Variants in GRIK4 observed in about 807,000 individuals in gnomAD.
The protein encoded by GRIK4 is glutamate receptor ionotropic, kainate 4.
In GRIK4, 40 loss-of-function variants were observed where a neutral mutation model predicts 104.9. That is an observed-to-expected ratio of 0.38 (90% CI 0.30 to 0.50). GRIK4 has a LOEUF of 0.50. Ranked by LOEUF, GRIK4 falls within the 20% of genes least tolerant of loss-of-function variation. The pLI is 0.93. For missense variants in GRIK4, 1,047 were observed against 1,308.1 expected (o/e 0.80, Z 3.08); for synonymous variants, 485 against 524.9 (o/e 0.92, Z 1.04).
chr11:120,514,120 C>T (rs1389450516), intron 1 of GRIK4, among the ~76,000 whole-genome samples: 1 of 152,094 alleles, frequency 6.6e-6, no homozygotes, highest in East Asian at 1.9e-4. Flanking sequence ...GGGGGAGAGA[C>T]TGCTCAGAAG....
intron 1 of GRIK4, among the ~76,000 whole-genome samples, chr11:120,550,039 A>T (rs904889663): frequency 6.6e-6 from 1 of 152,090 alleles, no homozygotes; most frequent in African/African-American, 2.4e-5. Flanking sequence ...GAGGGATCCC[A>T]TGGTCTGATT....
intron 3 of GRIK4, among the ~76,000 whole-genome samples, chr11:120,735,331 T>C (rs1375191591): frequency 6.6e-6 from 1 of 152,154 alleles, no homozygotes; most frequent in Non-Finnish European, 1.5e-5. Flanking sequence ...TCCAGAGGAA[T>C]TATCTGGATT....
At chr11:120,924,036 C>T (rs1225867490) in intron 13 of GRIK4, among the ~76,000 whole-genome samples, 1 of 152,144 alleles carries the variant, frequency 6.6e-6, no homozygotes, top group Non-Finnish European at 1.5e-5. Context: ...AGCAGGGAGG[C>T]AAGTCTTCCC....
At chr11:120,679,419 C>T (rs1356264434) in intron 3 of GRIK4, among the ~76,000 whole-genome samples, 1 of 152,230 alleles carries the variant, frequency 6.6e-6, no homozygotes, top group Non-Finnish European at 1.5e-5. Flanking sequence ...CAGCTCTTGG[C>T]TTCTCTGTTC....
chr11:120,987,605 G>C lies in GRIK4; in HGVS notation c.*1345G>C, dbSNP rs1944778845. 6.6e-6 allele frequency: 1 copy of C among 152,210 alleles called. No homozygotes were observed. The highest frequency in any genetic ancestry group is 1.5e-5 in the Non-Finnish European group (1 of 68,056). 9.4% of individuals were successfully genotyped at this position (152,210 alleles called of 1,614,324 possible). A position where few individuals can be genotyped will look rare whatever the true frequency, so the allele number is the denominator to read the frequency against. On this transcript the variant is annotated 3_prime_UTR_variant, in exon 21 of 21. Transcript: ENST00000527524. The stretch of plus-strand genomic sequence containing the variant: ...AACTCTTGAGTCGTAACCTCAGCTT[G>C]AGCAGTAGCCCTCCCACCTTGTATG...
At chr11:120,608,217 T>C (rs1377577787) in intron 1 of GRIK4, among the ~76,000 whole-genome samples, 1 of 152,204 alleles carries the variant, frequency 6.6e-6, no homozygotes, top group African/African-American at 2.4e-5. Context: ...TGCTGCAGGC[T>C]TCCAGCCAGC....
intron 1 of GRIK4, among the ~76,000 whole-genome samples, chr11:120,581,142 A>G (rs867577922): frequency 7.2e-5 from 11 of 152,130 alleles, no homozygotes; most frequent in Non-Finnish European, 2.9e-5. Context: ...AGTTCTTTAT[A>G]TATTCCAGAT....
intron 2 of GRIK4, 40 bp from the exon 3 acceptor site, chr11:120,660,229 G>A: frequency 1.1e-6 from 1 of 876,868 alleles, no homozygotes; most frequent in Non-Finnish European, 1.9e-6. Flanking sequence ...TGCCTAGCTG[G>A]AGCCTGGGAC....
At chr11:120,516,468 T>G in intron 1 of GRIK4, among the ~76,000 whole-genome samples, 2 of 150,874 alleles carry the variant, frequency 1.3e-5, no homozygotes, top group Non-Finnish European at 3.0e-5. Flanking sequence ...AAGGCTGGAG[T>G]CAGGGAGCAG....
chr11:120,704,451 C>T (rs1950597624), intron 3 of GRIK4, among the ~76,000 whole-genome samples: 1 of 152,178 alleles, frequency 6.6e-6, no homozygotes, highest in African/African-American at 2.4e-5. Context: ...TTTGGGAGTG[C>T]CCAAGCTTAG....
At chr11:120,601,009 C>T (rs1389180511) in intron 1 of GRIK4, among the ~76,000 whole-genome samples, 3 of 152,278 alleles carry the variant, frequency 2.0e-5, no homozygotes, top group Middle Eastern at 3.4e-3. Context: ...TGAGCCGGAT[C>T]GTGCCACTGC....
Position 120,956,648 on chromosome 11 carries a change from A to G in GRIK4, c.1701-132A>G, listed in dbSNP as rs890154824. Reference sequence around the variant, plus strand: ...TTTTTTTTTTGGTTGCGAAACTCCAAGTCCAGCAAAGGGAAGTGGCTTGCC... The same window carrying G: ...TTTTTTTTTTGGTTGCGAAACTCCAGGTCCAGCAAAGGGAAGTGGCTTGCC... On this transcript the variant is annotated intron_variant, in intron 15 of 20. Coordinates refer to ENST00000527524, the MANE Select transcript of GRIK4 (RefSeq NM_014619.5). The surrounding 1 kb of genome is among the most constrained non-coding windows in gnomAD (Gnocchi z 4.6). 1.9e-6 allele frequency: 1 copy of G among 513,132 alleles called. No individual in the cohort carries two copies. The highest frequency in any genetic ancestry group is 1.9e-5 in the African/African-American group (1 of 51,542). The allele number at this position is 513,132 out of a possible 1,614,324, so 31.8% of individuals were successfully genotyped here. A position where few individuals can be genotyped will look rare whatever the true frequency, so the allele number is the denominator to read the frequency against.
intron 9 of GRIK4, among the ~76,000 whole-genome samples, chr11:120,865,395 G>A (rs1471969170): frequency 2.0e-5 from 3 of 152,242 alleles, no homozygotes; most frequent in South Asian, 2.1e-4. Context: ...GTGGGTCAGC[G>A]AGGGAGCAGC....
intron 3 of GRIK4, among the ~76,000 whole-genome samples, chr11:120,782,118 A>G (rs1399612142): frequency 1.3e-5 from 2 of 151,834 alleles, no homozygotes; most frequent in African/African-American, 4.8e-5. Flanking sequence ...TTCTCTTTGT[A>G]GTACTTTTTT....
chr11:120,634,532 C>A (rs368388479), intron 1 of GRIK4, among the ~76,000 whole-genome samples: 2 of 152,126 alleles, frequency 1.3e-5, no homozygotes, highest in Non-Finnish European at 2.9e-5. Flanking sequence ...GGAAGGAGCC[C>A]TCCCAGACAC....
At chr11:120,582,278 T>A (rs1042166791) in intron 1 of GRIK4, among the ~76,000 whole-genome samples, 6 of 151,304 alleles carry the variant, frequency 4.0e-5, no homozygotes, top group Non-Finnish European at 5.9e-5. Flanking sequence ...TATATATACA[T>A]ATACATTATA....
At chr11:120,796,964 G>T (rs1376685615) in intron 3 of GRIK4, among the ~76,000 whole-genome samples, 2 of 152,072 alleles carry the variant, frequency 1.3e-5, no homozygotes, top group African/African-American at 2.4e-5. Flanking sequence ...GGCGGAGAAG[G>T]GCACAATCAA....
chr11:120,624,368 C>T (rs1043149026), intron 1 of GRIK4, among the ~76,000 whole-genome samples: 1 of 152,038 alleles, frequency 6.6e-6, no homozygotes, highest in Non-Finnish European at 1.5e-5. Context: ...TTGGTGCCCC[C>T]TCCCTGTAAC....
chr11:120,986,635 G>A lies in GRIK4; in HGVS notation c.*375G>A. The A allele has an allele frequency of 5.2e-6, 1 of 190,546 alleles. No individual in the cohort carries two copies. Among genetic ancestry groups the A allele is most frequent in the Non-Finnish European group, 1.1e-5 (1 of 94,686 alleles). The allele number at this position is 190,546 out of a possible 1,614,324, so 11.8% of individuals were successfully genotyped here. Reference sequence around the variant, plus strand: ...TCAGTTGAATTTCCCCCTAGTCAGGGGCCAATGTACCCTCCGTCTAGTTCT... The same window carrying A: ...TCAGTTGAATTTCCCCCTAGTCAGGAGCCAATGTACCCTCCGTCTAGTTCT... On this transcript the variant is annotated 3_prime_UTR_variant, in exon 21 of 21. Transcript: ENST00000527524.
Sources: allele counts gnomAD v4.1 joint callset (sites outside exome capture counted in the v4.1 genomes callset), GRCh38; gene constraint gnomAD v4.1.1; non-coding constraint Gnocchi (gnomAD v3.1); transcripts MANE v1.5; gene names NCBI Gene and HGNC (gene_info 2026-07-23, HGNC 2026-07-21).